Variants in SCUBE1 observed in about 807,000 individuals in gnomAD.
SCUBE1 encodes signal peptide, CUB and EGF-like domain-containing protein 1.
In SCUBE1, 59 loss-of-function variants were observed where a neutral mutation model predicts 124.4. The observed-to-expected ratio is 0.47, with a 90% confidence interval of 0.38 to 0.59. SCUBE1 has a LOEUF of 0.59. Ranked by LOEUF, SCUBE1 falls within the 20% of genes least tolerant of loss-of-function variation. The pLI, the probability that SCUBE1 is intolerant of heterozygous loss-of-function variation, is 0.00. For synonymous variants in SCUBE1, 545 were observed against 550.9 expected (o/e 0.99, Z 0.15); for missense variants, 1,150 against 1,371.2 (o/e 0.84, Z 2.55).
In SCUBE1 at chr22:43,271,343, TAACACTCAGTGAATGCACA is replaced by T. The variant is rs760238232; in HGVS notation, c.485-8517_485-8499del. On this transcript the variant is annotated intron_variant, in intron 4 of 21. Transcript: ENST00000360835. ...TTGCCCTCGTCCCCTGTACAATGCCTAACACTCAGTGAATGCACAGAAACCCAGTGAATGCACAGAAACC... is the reference window on the plus strand; with the variant it reads ...TTGCCCTCGTCCCCTGTACAATGCCTGAAACCCAGTGAATGCACAGAAACC... Among the ~76,000 whole-genome samples the T allele has an allele frequency of 1.6e-4, 25 of 152,312 alleles. 1 individual carries two copies. Among genetic ancestry groups the T allele is most frequent in the Non-Finnish European group, 2.6e-4 (18 of 68,018 alleles).
At chr22:43,232,896 A>G (rs558598808) in intron 7 of SCUBE1, among the ~76,000 whole-genome samples, 7 of 152,320 alleles carry the variant, frequency 4.6e-5, no homozygotes, top group Admixed American at 3.3e-4. Flanking sequence ...GTGCCATTAG[A>G]GGTCCCTGTC....
Position 43,214,105 on chromosome 22 carries a change from C to A in SCUBE1, c.2038G>T (p.Val680Leu). ...DGLGLPGARN[V>L]SECGGQCSPG... ...CCGCACTTGCCTCCACATTCCGACA[C>A]GTTGCGGGCACCAGGCAGACCAAGC... The change falls in exon 16 of 22, where the codon GTG becomes TTG. Residue 680 changes from valine (V) to leucine (L), a missense_variant. Val to Leu is a conservative substitution (Grantham distance 32). Transcript: ENST00000360835. 6.5e-7 allele frequency: 1 copy of A among 1,547,484 alleles called. No homozygotes were observed. Among genetic ancestry groups the A allele is most frequent in the Non-Finnish European group, 8.8e-7 (1 of 1,139,604 alleles).
intron 17 of SCUBE1, among the ~76,000 whole-genome samples, chr22:43,212,067 G>T (rs1436010674): frequency 2.0e-5 from 3 of 152,030 alleles, no homozygotes; most frequent in African/African-American, 7.3e-5. Context: ...AGCAGTTGAG[G>T]TGATGCCCTG....
chr22:43,222,995 A>C, intron 11 of SCUBE1, 102 bp downstream of exon 11: 1 of 1,429,124 alleles, frequency 7.0e-7, no homozygotes, highest in South Asian at 1.5e-5. Flanking sequence ...CCTCATTCCT[A>C]GGTCAGACTC....
rs35852531 is a variant in SCUBE1, at chr22:43,211,520, C to CTTT, written c.2222-440_2222-438dup. On this transcript the variant is annotated intron_variant, in intron 17 of 21. Transcript: ENST00000360835. The surrounding 1 kb of genome is among the most constrained non-coding windows in gnomAD (Gnocchi z 4.5). ...GGCGGGGGGCTAGAGATGGGCAATTCTTTTTTTTTTTTTTTGAGATGGAGC... is the reference window on the plus strand; with the variant it reads ...GGCGGGGGGCTAGAGATGGGCAATTCTTTTTTTTTTTTTTTTTTGAGATGGAGC... 2.5e-3 allele frequency among the ~76,000 whole-genome samples: 336 copies of CTTT among 136,980 alleles called. No individual in the cohort carries two copies. The highest frequency in any genetic ancestry group is 3.7e-3 in the Non-Finnish European group (235 of 63,378). The allele number at this position is 136,980 out of a possible 152,430, so 89.9% of individuals were successfully genotyped here. A position where few individuals can be genotyped will look rare whatever the true frequency, so the allele number is the denominator to read the frequency against.
In SCUBE1 at chr22:43,211,970, A is replaced by G. The variant is rs1332918523; in HGVS notation, c.2221+455T>C. 2.0e-5 allele frequency among the ~76,000 whole-genome samples: 3 copies of G among 152,170 alleles called. No homozygotes were observed. Among genetic ancestry groups the G allele is most frequent in the Non-Finnish European group, 4.4e-5 (3 of 68,018 alleles). Reference sequence around the variant, plus strand: ...AGCACGGTGGGGAAGCAGGGTCAGCAGCTGAGAATGGGGAGGATTTGGGGG... The same window carrying G: ...AGCACGGTGGGGAAGCAGGGTCAGCGGCTGAGAATGGGGAGGATTTGGGGG... On this transcript the variant is annotated intron_variant, in intron 17 of 21. Transcript: ENST00000360835. The surrounding 1 kb of genome is among the most constrained non-coding windows in gnomAD (Gnocchi z 4.5).
rs1021022434 is a variant in SCUBE1 at position 43,258,230 on chromosome 22, C to T, written c.716G>A (p.Arg239His). The T allele has an allele frequency of 6.2e-6, 10 of 1,612,720 alleles. No homozygotes were observed. The highest frequency in any genetic ancestry group is 1.7e-4 in the Middle Eastern group (1 of 6,010). The change falls in exon 6 of 22, where the codon CGC becomes CAC. Residue 239 changes from arginine to histidine, a missense_variant. Transcript: ENST00000360835. The surrounding 1 kb of genome is among the most constrained non-coding windows in gnomAD (Gnocchi z 5.0). The stretch of plus-strand genomic sequence containing the variant: ...AGGTGCCTACTTACCGATGCACGTG[C>T]GACCGTCTGAGTGGAGGGCGTACTT... ...HQKYALHSDG[R>H]TCIETCAVNN...
intron 5 of SCUBE1, among the ~76,000 whole-genome samples, chr22:43,261,171 G>A (rs1923857825): frequency 6.6e-6 from 1 of 152,254 alleles, no homozygotes; most frequent in African/African-American, 2.4e-5. Context: ...TGGGAAAGCT[G>A]GAGTCAGCAT....
At chr22:43,290,084 T>C (rs1051968296) in intron 4 of SCUBE1, among the ~76,000 whole-genome samples, 1 of 152,190 alleles carries the variant, frequency 6.6e-6, no homozygotes, top group African/African-American at 2.4e-5. Context: ...CCTGGGAACC[T>C]TGGCTCCTGC....
chr22:43,237,247 C>A (rs1355399016), intron 7 of SCUBE1, among the ~76,000 whole-genome samples: 1 of 152,202 alleles, frequency 6.6e-6, no homozygotes, highest in Non-Finnish European at 1.5e-5. Flanking sequence ...AGTGGGAGCC[C>A]CAATCCCAGT....
In SCUBE1 at chr22:43,200,614, G is replaced by A. The variant is rs1247329925; in HGVS notation, c.*3383C>T. On this transcript the variant is annotated 3_prime_UTR_variant, in exon 22 of 22. Transcript: ENST00000360835. Reference sequence around the variant, plus strand: ...GGCCCAGGGTCAGCTGTAGTTTAACGGGGGACCCCCAAGTTCCCTGGTGTG... The same window carrying A: ...GGCCCAGGGTCAGCTGTAGTTTAACAGGGGACCCCCAAGTTCCCTGGTGTG... 4 of 152,370 alleles carry A rather than the reference G, an allele frequency of 2.6e-5. No homozygotes were observed. Among genetic ancestry groups the A allele is most frequent in the Non-Finnish European group, 4.4e-5 (3 of 68,142 alleles). 9.4% of individuals were successfully genotyped at this position (152,370 alleles called of 1,614,324 possible). A position where few individuals can be genotyped will look rare whatever the true frequency, so the allele number is the denominator to read the frequency against.
chr22:43,251,466 A>G (rs1221855892), intron 6 of SCUBE1, among the ~76,000 whole-genome samples: 1 of 152,206 alleles, frequency 6.6e-6, no homozygotes, highest in Non-Finnish European at 1.5e-5. Context: ...AAGGACCATG[A>G]GACGGGAAAT....
intron 3 of SCUBE1, among the ~76,000 whole-genome samples, chr22:43,294,731 G>C (rs1260229334): frequency 1.3e-5 from 2 of 152,174 alleles, no homozygotes; most frequent in Non-Finnish European, 2.9e-5. Context: ...CCTGTGGTGT[G>C]TGCAGCCCTC....
At chr22:43,277,973 T>G (rs1442882732) in intron 4 of SCUBE1, among the ~76,000 whole-genome samples, 2 of 152,248 alleles carry the variant, frequency 1.3e-5, no homozygotes, top group African/African-American at 4.8e-5. Flanking sequence ...GATTTGAAAG[T>G]TCTGCAGCTT....
intron 21 of SCUBE1, 89 bp downstream of exon 21, chr22:43,207,445 A>G: frequency 9.9e-7 from 1 of 1,005,056 alleles, no homozygotes; most frequent in South Asian, 1.3e-5. Flanking sequence ...TTGCTCCTCC[A>G]GGGGCCAGGG....
In SCUBE1 at chr22:43,258,980, T is replaced by G. The variant is rs765520221; in HGVS notation, c.611-645A>C. Among the ~76,000 whole-genome samples the G allele has an allele frequency of 8.5e-5, 13 of 152,188 alleles. No individual in the cohort carries two copies. Among genetic ancestry groups the G allele is most frequent in the Non-Finnish European group, 1.9e-4 (13 of 68,026 alleles). ...GGTACGGTTTTGAAAATCACCTAAA[T>G]AATAACCACGTTACATTGTTTTCGA... On this transcript the variant is annotated intron_variant, in intron 5 of 21. Transcript: ENST00000360835. The surrounding 1 kb of genome is among the most constrained non-coding windows in gnomAD (Gnocchi z 5.0).
Position 43,214,181 on chromosome 22 carries a change from G to A in SCUBE1, c.1962C>T (p.Tyr654=), listed in dbSNP as rs149374050. The change falls in exon 16 of 22, where the codon TAC becomes TAT. Residue 654 remains tyrosine, a synonymous_variant. Transcript: ENST00000360835. ...AACTGAGCTGGCCTTCCATGTCCTG[G>A]TATGTTCCTGGCATACATGACACAC... The part of the protein sequence containing the change: ...GQCVSCMPGT[Y]QDMEGQLSCT... 120 of 1,613,134 alleles carry A rather than the reference G, an allele frequency of 7.4e-5. No individual in the cohort carries two copies. The African/African-American group carries it at 1.5e-3, about 20-fold the overall frequency.
At chr22:43,249,733 GCTCCT>G (rs1923365782) in intron 6 of SCUBE1, among the ~76,000 whole-genome samples, 1 of 152,256 alleles carries the variant, frequency 6.6e-6, no homozygotes, top group Non-Finnish European at 1.5e-5. Flanking sequence ...CAGTGGGAAA[GCTCCT>G]CTCTTCTCCC....
intron 4 of SCUBE1, among the ~76,000 whole-genome samples, chr22:43,264,528 C>A (rs1323829398): frequency 6.6e-6 from 1 of 152,166 alleles, no homozygotes. Context: ...CATATTCAGT[C>A]CCTCATCAGG....
Sources: gnomAD v4.1 joint callset for allele counts (sites outside exome capture counted in the v4.1 genomes callset) on GRCh38, gnomAD v4.1.1 for gene constraint, Gnocchi (gnomAD v3.1) non-coding constraint, MANE v1.5 for transcripts, NCBI Gene and HGNC (gene_info 2026-07-23, HGNC 2026-07-21) for gene names.